Variants in CKAP2L observed in about 807,000 individuals in gnomAD.
The protein encoded by CKAP2L is cytoskeleton-associated protein 2-like.
Under a neutral mutation model 65.7 loss-of-function variants are expected in CKAP2L, and 42 were observed. The observed-to-expected ratio is 0.64, with a 90% CI of 0.50 to 0.83. CKAP2L has a LOEUF of 0.83. Ranked by LOEUF, CKAP2L falls within the 40% of genes least tolerant of loss-of-function variation. CKAP2L has a pLI of 0.00. For synonymous variants in CKAP2L, 325 were observed against 313.5 expected, an observed-to-expected ratio of 1.04 and a Z score of -0.39; for missense variants, 908 against 871.0, an observed-to-expected ratio of 1.04 and a Z score of -0.53.
Position 112,738,958 on chromosome 2 carries a change from T to C in CKAP2L, c.2103A>G (p.Pro701=), listed in dbSNP as rs780826919. The change falls in exon 9 of 9, where the codon CCA becomes CCG. Residue 701 remains proline (P), a synonymous_variant. Transcript: ENST00000302450. The part of the protein sequence containing the change: ...SRIERAVSRY[P]EMLQEHDLVV... ...CTAAATCGTGTTCCTGCAGCATTTCTGGGTAGCGGGACACTGCTCGCTCAA... is the reference window on the plus strand; with the variant it reads ...CTAAATCGTGTTCCTGCAGCATTTCCGGGTAGCGGGACACTGCTCGCTCAA... The C allele has an allele frequency of 1.9e-6, 3 of 1,614,220 alleles. No homozygotes were observed. In the East Asian group the frequency reaches 6.7e-5, roughly 36 times the overall value.
At chr2:112,753,118 G>C (rs1043707468) in intron 4 of CKAP2L, among the ~76,000 whole-genome samples, 8 of 152,062 alleles carry the variant, frequency 5.3e-5, no homozygotes, top group African/African-American at 1.4e-4. Flanking sequence ...CTCATGTTTG[G>C]ATGTAGACAC....
rs948379545 is a variant in CKAP2L at position 112,756,067 on chromosome 2, G to C, written c.1304C>G (p.Thr435Arg). 5.0e-6 allele frequency: 8 copies of C among 1,613,970 alleles called. No homozygotes were observed. Among genetic ancestry groups the C allele is most frequent in the Non-Finnish European group, 3.4e-6 (4 of 1,180,002 alleles). Residue 435 changes from threonine (T) to arginine (R), a missense_variant, in exon 4 of 9, where the codon ACA (threonine) becomes AGA (arginine). By Grantham distance (71) the Thr-to-Arg change is moderately conservative. Coordinates refer to ENST00000302450, the MANE Select transcript of CKAP2L (RefSeq NM_152515.5). ...GACATCAGCTTGAGTTTTGGGAGCT[G>C]TCTTGTTCAGAAAATGGTTCTGGGG... is the stretch of plus-strand genomic sequence containing the variant. ...AVPQNHFLNKTAPKTQADVTT... is the reference protein window; with the variant it reads ...AVPQNHFLNKRAPKTQADVTT...
chr2:112,756,523 A>G lies in CKAP2L; in HGVS notation c.848T>C (p.Ile283Thr), dbSNP rs1680543110. The G allele has an allele frequency of 6.2e-7, 1 of 1,609,416 alleles. No homozygotes were observed. Among genetic ancestry groups the G allele is most frequent in the South Asian group, 1.1e-5 (1 of 90,270 alleles). ...KPSRTVPSHF[I>T]RTLSKVQSSK... is the part of the protein sequence containing the mutation. ...TGACTGAACTTTACTAAGGGTCCGA[A>G]TAAAGTGAGAGGGAACCGTCCTTGA... Residue 283 changes from isoleucine to threonine, a missense_variant, in exon 4 of 9, where the codon ATT becomes ACT. Transcript: ENST00000302450.
intron 1 of CKAP2L, among the ~76,000 whole-genome samples, chr2:112,763,146 T>A (rs1163401189): frequency 6.6e-6 from 1 of 152,150 alleles, no homozygotes; most frequent in Non-Finnish European, 1.5e-5. Flanking sequence ...CAATCTGAAA[T>A]TCAGAGAGAG....
intron 5 of CKAP2L, among the ~76,000 whole-genome samples, chr2:112,747,681 C>A (rs1469681879): frequency 6.6e-6 from 1 of 152,192 alleles, no homozygotes; most frequent in Admixed American, 6.5e-5. Flanking sequence ...CTGGCACACT[C>A]AGCCAAGCAG....
intron 3 of CKAP2L, among the ~76,000 whole-genome samples, chr2:112,760,400 A>C (rs116769405): frequency 1.3e-5 from 2 of 152,208 alleles, no homozygotes; most frequent in Non-Finnish European, 2.9e-5. Context: ...TAGTAGCCTC[A>C]TAAGATTGTG....
intron 5 of CKAP2L, among the ~76,000 whole-genome samples, chr2:112,747,540 G>A (rs919081675): frequency 6.6e-6 from 1 of 152,180 alleles, no homozygotes; most frequent in Non-Finnish European, 1.5e-5. Context: ...TTATGAAAGA[G>A]GGTTAAATCC....
intron 5 of CKAP2L, 97 bp from the exon 6 acceptor site, chr2:112,746,672 T>C: frequency 1.1e-6 from 1 of 887,502 alleles, no homozygotes; most frequent in South Asian, 2.3e-5. Context: ...AGAAATTGGT[T>C]TGATCACTAA....
In CKAP2L at chr2:112,756,319, A is replaced by C. The variant is rs756266631; in HGVS notation, c.1052T>G (p.Ile351Ser). The change falls in exon 4 of 9, where the codon ATC becomes AGC. Residue 351 changes from isoleucine (I) to serine (S), a missense_variant. By Grantham distance (142) the Ile-to-Ser change is moderately radical (BLOSUM62 -2). Transcript: ENST00000302450. ...TTGGCTGGACTTCTGATCTTGCTTG[A>C]TGTTTGGATGTCTGTTGTTATATTC... The part of the protein sequence containing the change: ...QGEYNNRHPN[I>S]KQDQKSSQVC... 6.2e-7 allele frequency: 1 copy of C among 1,613,644 alleles called. No individual in the cohort carries two copies. Among genetic ancestry groups the C allele is most frequent in the Non-Finnish European group, 8.5e-7 (1 of 1,179,810 alleles).
intron 1 of CKAP2L, among the ~76,000 whole-genome samples, chr2:112,764,328 G>C (rs1680830791): frequency 6.6e-6 from 1 of 152,214 alleles, no homozygotes; most frequent in Admixed American, 6.5e-5. Context: ...CTGCTGCAGG[G>C]CTTTCTGGAA....
Position 112,752,476 on chromosome 2 carries a change from T to C in CKAP2L, c.1395-2A>G. The C allele has an allele frequency of 6.3e-7, 1 of 1,579,638 alleles. No homozygotes were observed. The highest frequency in any genetic ancestry group is 8.6e-7 in the Non-Finnish European group (1 of 1,156,916). On this transcript the variant is annotated splice_acceptor_variant, in intron 4 of 8. Transcript: ENST00000302450. LOFTEE classifies it high-confidence loss of function. The stretch of plus-strand genomic sequence containing the variant: ...TTCTGCCATTCTTCTAGTTGTTTCC[T>C]GAAATTCAATTAAAGGGAGAGTGGT...
At chr2:112,746,780 TTAA>T (rs768560179) in intron 5 of CKAP2L, among the ~76,000 whole-genome samples, 15 of 152,148 alleles carry the variant, frequency 9.9e-5, no homozygotes, top group Admixed American at 3.9e-4. Context: ...TGATTTGAGA[TTAA>T]TAATAATTAT....
intron 6 of CKAP2L, among the ~76,000 whole-genome samples, chr2:112,744,421 C>G (rs747974805): frequency 6.6e-6 from 1 of 152,162 alleles, no homozygotes; most frequent in Non-Finnish European, 1.5e-5. Flanking sequence ...ATTAGGAGGA[C>G]TCTTTAGCAT....
chr2:112,740,759 T>C, intron 8 of CKAP2L, 59 bp downstream of exon 8: 1 of 1,402,502 alleles, frequency 7.1e-7, no homozygotes, highest in Non-Finnish European at 9.9e-7. Flanking sequence ...GAAGGAAAAA[T>C]CGAGACTTGG....
intron 3 of CKAP2L, among the ~76,000 whole-genome samples, chr2:112,758,308 A>C (rs1680605647): frequency 6.6e-6 from 1 of 152,220 alleles, no homozygotes; most frequent in South Asian, 2.1e-4. Flanking sequence ...TCATGAAAGC[A>C]ATTACTCAGA....
Position 112,764,608 on chromosome 2 carries a change from G to A in CKAP2L, c.-10C>T. 6.2e-7 allele frequency: 1 copy of A among 1,614,172 alleles called. No individual in the cohort carries two copies. Among genetic ancestry groups the A allele is most frequent in the Non-Finnish European group, 8.5e-7 (1 of 1,179,984 alleles). ...GCCCGGGCCCCACCATGACTCTTCA[G>A]TGACAGTTTTTCTTCAAACGCCGCG... On this transcript the variant is annotated 5_prime_UTR_variant, in exon 1 of 9. Transcript: ENST00000302450.
intron 4 of CKAP2L, among the ~76,000 whole-genome samples, chr2:112,753,235 T>C (rs891542793): frequency 2.0e-5 from 3 of 152,208 alleles, no homozygotes; most frequent in African/African-American, 7.2e-5. Flanking sequence ...CACCGCCTAG[T>C]TGATATCTTT....
chr2:112,761,757 T>C (rs1680730801), intron 2 of CKAP2L, among the ~76,000 whole-genome samples: 1 of 152,210 alleles, frequency 6.6e-6, no homozygotes, highest in Non-Finnish European at 1.5e-5. Context: ...GGAATGTCTG[T>C]CTTGTTAAGC....
rs949337049 is a variant in CKAP2L, at chr2:112,742,353, G to A, written c.1822+353C>T. 1.3e-5 allele frequency: 9 copies of A among 716,894 alleles called. 1 individual carries two copies. The highest frequency in any genetic ancestry group is 1.0e-4 in the African/African-American group (6 of 57,244). 44.4% of individuals were successfully genotyped at this position (716,894 alleles called of 1,614,324 possible). ...GCGTAACACAAATTTAGATGAGTAT[G>A]TTGGTGGGTTTATTATGATTAAACA... On this transcript the variant is annotated intron_variant, in intron 7 of 8. Coordinates refer to ENST00000302450, the MANE Select transcript of CKAP2L (RefSeq NM_152515.5).
Sources: gnomAD v4.1 joint callset for allele counts (sites outside exome capture counted in the v4.1 genomes callset) on GRCh38, gnomAD v4.1.1 for gene constraint, MANE v1.5 for transcripts, NCBI Gene and HGNC (gene_info 2026-07-23, HGNC 2026-07-21) for gene names.